Variants in MSRA observed in about 807,000 individuals in gnomAD.
MSRA encodes the protein methionine sulfoxide reductase A.
MSRA carries 54 observed loss-of-function variants against 31.3 expected under a neutral mutation model. That is an observed-to-expected ratio of 1.73 (90% CI 1.39 to 2.17). The LOEUF is 2.17. Ranked by LOEUF, MSRA falls within the 30% of genes most tolerant of loss-of-function variation. The pLI, the probability that MSRA is intolerant of heterozygous loss-of-function variation, is 0.00. For synonymous variants in MSRA, 169 were observed against 116.5 expected (o/e 1.45, Z -2.90); for missense variants, 507 against 300.9 (o/e 1.69, Z -5.07).
chr8:10,308,761 A>G (rs1262637341), intron 4 of MSRA, among the ~76,000 whole-genome samples: 1 of 152,180 alleles, frequency 6.6e-6, no homozygotes, highest in Non-Finnish European at 1.5e-5. Context: ...CTTGCCTCGC[A>G]CACTGTTCCT....
chr8:10,406,160 G>A (rs1807803745), intron 5 of MSRA, among the ~76,000 whole-genome samples: 1 of 152,256 alleles, frequency 6.6e-6, no homozygotes, highest in South Asian at 2.1e-4. Context: ...ACACACTTGT[G>A]TCGGGCAGTG....
chr8:10,373,430 G>A (rs1490377679), intron 5 of MSRA, among the ~76,000 whole-genome samples: 8 of 152,194 alleles, frequency 5.3e-5, no homozygotes, highest in African/African-American at 1.4e-4. Context: ...GCGGTGGCAC[G>A]ATCCCTGCTC....
intron 3 of MSRA, among the ~76,000 whole-genome samples, chr8:10,283,836 T>TATATACACACACACACACACACACAC (rs1261287031): frequency 1.9e-5 from 1 of 53,162 alleles, no homozygotes; most frequent in Non-Finnish European, 3.2e-5. Context: ...TATATATATA[T>TATATACACACACACACACACACACAC]ACACACACAC....
intron 5 of MSRA, among the ~76,000 whole-genome samples, chr8:10,399,689 A>G (rs1452970821): frequency 6.6e-6 from 1 of 152,202 alleles, no homozygotes; most frequent in Non-Finnish European, 1.5e-5. Flanking sequence ...AAATGGCCTA[A>G]AACAATAGGC....
Position 10,214,373 on chromosome 8 carries a change from G to A in MSRA, c.211+6472G>A, listed in dbSNP as rs79088906. Among the ~76,000 whole-genome samples the A allele has an allele frequency of 2.6e-5, 4 of 152,192 alleles. No individual in the cohort carries two copies. In the East Asian group the frequency reaches 7.7e-4, roughly 29 times the overall value. On this transcript the variant is annotated intron_variant, in intron 2 of 5. Coordinates refer to ENST00000317173, the MANE Select transcript of MSRA (RefSeq NM_012331.5). Reference sequence around the variant, plus strand: ...AATCACAAGAAATCGTTTCCTGTCTGACATGAATGGGAGGTGAGTTTTGAA... The same window carrying A: ...AATCACAAGAAATCGTTTCCTGTCTAACATGAATGGGAGGTGAGTTTTGAA...
At chr8:10,350,772 C>G (rs1804080600) in intron 5 of MSRA, among the ~76,000 whole-genome samples, 1 of 152,328 alleles carries the variant, frequency 6.6e-6, no homozygotes, top group South Asian at 2.1e-4. Context: ...CCCCAGCCGA[C>G]TTACCCCCGA....
At chr8:10,327,488 T>G (rs1585482090) in intron 5 of MSRA, among the ~76,000 whole-genome samples, 2 of 152,180 alleles carry the variant, frequency 1.3e-5, no homozygotes, top group East Asian at 3.8e-4. Flanking sequence ...AAAGGTTCAG[T>G]TTTGATTATT....
intron 2 of MSRA, among the ~76,000 whole-genome samples, chr8:10,240,734 C>T (rs60799349): frequency 2.6e-5 from 4 of 152,086 alleles, no homozygotes; most frequent in Admixed American, 2.0e-4. Flanking sequence ...TTTCCCTTAC[C>T]CCTGTCTTTC....
chr8:10,386,874 A>T (rs1295838271), intron 5 of MSRA, among the ~76,000 whole-genome samples: 8 of 76,444 alleles, frequency 1.0e-4, no homozygotes, highest in Non-Finnish European at 2.2e-4. Flanking sequence ...GGATTATTTA[A>T]AAAAAAAAAA....
chr8:10,365,048 G>T (rs1311930318), intron 5 of MSRA, among the ~76,000 whole-genome samples: 1 of 151,172 alleles, frequency 6.6e-6, no homozygotes, highest in Admixed American at 6.6e-5. Flanking sequence ...TCTCATGGAG[G>T]CTGAGCTTTG....
chr8:10,267,272 C>A (rs952892193), intron 3 of MSRA, among the ~76,000 whole-genome samples: 12 of 152,270 alleles, frequency 7.9e-5, no homozygotes, highest in Admixed American at 3.3e-4. Context: ...CGGGCTCTGC[C>A]GTTCATGACA....
At chr8:10,335,066 G>C (rs886128114) in intron 5 of MSRA, among the ~76,000 whole-genome samples, 7 of 152,262 alleles carry the variant, frequency 4.6e-5, no homozygotes, top group African/African-American at 1.7e-4. Context: ...GGCATGGTGC[G>C]TTGCAGGACG....
At position 10,404,499 on chromosome 8, in the gene MSRA, G is replaced by A. The variant is rs538940276; in HGVS notation, c.544-23649G>A. Among the ~76,000 whole-genome samples, 10 of 152,320 alleles carry A rather than the reference G, an allele frequency of 6.6e-5. No homozygotes were observed. The South Asian group carries it at 1.0e-3, about 16-fold the overall frequency. On this transcript the variant is annotated intron_variant, in intron 5 of 5. Coordinates refer to ENST00000317173, the MANE Select transcript of MSRA (RefSeq NM_012331.5). ...CAAAGTGAACAGTTGGCATTCCTGC[G>A]GGGTGGCCCTCGCTCCTGCAATAGG...
chr8:10,344,609 C>T (rs977463635), intron 5 of MSRA, among the ~76,000 whole-genome samples: 10 of 145,218 alleles, frequency 6.9e-5, no homozygotes, highest in Non-Finnish European at 1.5e-4. Flanking sequence ...AAAAAGCCAG[C>T]CATTTCCAAT....
intron 5 of MSRA, among the ~76,000 whole-genome samples, chr8:10,376,269 G>C (rs889282022): frequency 6.6e-6 from 1 of 152,146 alleles, no homozygotes; most frequent in African/African-American, 2.4e-5. Context: ...GTTTCTTGAG[G>C]CTTCTCCTAT....
intron 3 of MSRA, among the ~76,000 whole-genome samples, chr8:10,255,991 A>G (rs1798157184): frequency 6.6e-6 from 1 of 152,046 alleles, no homozygotes; most frequent in Admixed American, 6.6e-5. Context: ...CCACACTGAC[A>G]CGTCCTCAGC....
At chr8:10,330,007 TGTG>T (rs1422517837) in intron 5 of MSRA, among the ~76,000 whole-genome samples, 1 of 2,980 alleles carries the variant, frequency 3.4e-4, no homozygotes, top group Non-Finnish European at 1.0e-3. Flanking sequence ...GAGAAAAAAA[TGTG>T]TGTGTGTGTG....
chr8:10,239,998 A>G (rs1235013045), intron 2 of MSRA, among the ~76,000 whole-genome samples: 1 of 152,204 alleles, frequency 6.6e-6, no homozygotes, highest in Non-Finnish European at 1.5e-5. Flanking sequence ...GCAGTAAAAT[A>G]AAACAGGTGG....
At chr8:10,054,716 C>G in intron 1 of MSRA, 58 bp downstream of exon 1, 1 of 1,401,098 alleles carries the variant, frequency 7.1e-7, no homozygotes, top group Non-Finnish European at 9.4e-7. Flanking sequence ...GCGCCTTTGC[C>G]CGGCGGCAGC....
Sources: gnomAD v4.1 joint callset for allele counts (sites outside exome capture counted in the v4.1 genomes callset) on GRCh38, gnomAD v4.1.1 for gene constraint, MANE v1.5 for transcripts, NCBI Gene and HGNC (gene_info 2026-07-23, HGNC 2026-07-21) for gene names.